Variants in ETV7 observed in about 807,000 individuals in gnomAD.
The protein encoded by ETV7 is transcription factor ETV7.
In ETV7, 43 loss-of-function variants were observed where a neutral mutation model predicts 39.1. The observed-to-expected ratio is 1.10, with a 90% CI of 0.86 to 1.42. ETV7 has a LOEUF of 1.42. ETV7 is among the 40% of genes most tolerant of loss of function. ETV7 has a pLI of 0.00. For missense variants in ETV7, 432 were observed against 442.3 expected, an observed-to-expected ratio of 0.98 and a Z score of 0.21; for synonymous variants, 196 against 176.6, an observed-to-expected ratio of 1.11 and a Z score of -0.87.
rs753564528 is a variant in ETV7, at chr6:36,385,669, C to G, written c.7G>C (p.Glu3Gln). 6.2e-6 allele frequency: 10 copies of G among 1,600,484 alleles called. No individual in the cohort carries two copies. The highest frequency in any genetic ancestry group is 8.5e-6 in the Non-Finnish European group (10 of 1,175,310). Residue 3 changes from glutamate to glutamine, a missense_variant and splice_region_variant, in exon 2 of 8, where the codon GAG becomes CAG. By Grantham distance (29) the Glu-to-Gln change is conservative (BLOSUM62 2). Transcript: ENST00000340181. ...ATAGGAGAAATAGCCAATTCTCCCT[C>G]CTAGAGAGAGAAAAACCAGGACAGT... MQ[E>Q]GELAISPISP...
intron 2 of ETV7, among the ~76,000 whole-genome samples, chr6:36,380,733 TG>T (rs1773610354): frequency 6.6e-6 from 1 of 152,016 alleles, no homozygotes; most frequent in Non-Finnish European, 1.5e-5. Context: ...TCAGTCACTG[TG>T]GTCTCTCCAG....
rs201731289 is a variant in ETV7, at chr6:36,366,942, G to A, written c.841C>T (p.Arg281Cys). Residue 281 changes from arginine to cysteine, a missense_variant, in exon 7 of 8, where the codon CGT (arginine) becomes TGT (cysteine). Arg to Cys is a radical substitution (Grantham distance 180). Coordinates refer to ENST00000340181, the MANE Select transcript of ETV7 (RefSeq NM_016135.4). ...AGCTTATAATAGTGGCGCAGGGCAC[G>A]AGACATCTTCTCGTAGGTCATGTTC... ...RVNMTYEKMS[R>C]ALRHYYKLNI... 8.2e-5 allele frequency: 132 copies of A among 1,613,912 alleles called. No homozygotes were observed. The highest frequency in any genetic ancestry group is 4.9e-4 in the Middle Eastern group (3 of 6,062).
intron 1 of ETV7, chr6:36,386,693 C>G (rs1405706198): frequency 1.3e-5 from 2 of 152,270 alleles, no homozygotes; most frequent in African/African-American, 4.8e-5. Context: ...AAAGCAAACT[C>G]CAGAAGCCTT....
At chr6:36,381,283 G>T (rs1442058434) in intron 2 of ETV7, among the ~76,000 whole-genome samples, 1 of 152,204 alleles carries the variant, frequency 6.6e-6, no homozygotes, top group Non-Finnish European at 1.5e-5. Flanking sequence ...GGGTCTGAGG[G>T]ATGCCGGTTC....
intron 2 of ETV7, among the ~76,000 whole-genome samples, chr6:36,384,390 GATCCTGC>G (rs367705727): frequency 8.4e-4 from 128 of 152,302 alleles, no homozygotes; most frequent in African/African-American, 2.9e-3. Flanking sequence ...CCACAGAAGT[GATCCTGC>G]ATTGTTTGGA....
chr6:36,364,897 C>A (rs1164700243), downstream of ETV7, among the ~76,000 whole-genome samples: 2 of 152,226 alleles, frequency 1.3e-5, no homozygotes, highest in Non-Finnish European at 2.9e-5. Context: ...TCCCATCGAT[C>A]CTTTTTCCAA....
chr6:36,360,002 C>T (rs1462019806), intron 7 of ETV7, among the ~76,000 whole-genome samples: 4 of 152,134 alleles, frequency 2.6e-5, no homozygotes, highest in African/African-American at 9.7e-5. Flanking sequence ...AAGTGATTCT[C>T]CTGCCTCAGC....
chr6:36,360,118 C>G (rs1772448035), intron 7 of ETV7, among the ~76,000 whole-genome samples: 1 of 152,180 alleles, frequency 6.6e-6, no homozygotes, highest in Non-Finnish European at 1.5e-5. Context: ...GTCTCGATTT[C>G]TTGACCTCGT....
chr6:36,373,511 A>G lies in ETV7; in HGVS notation c.375T>C (p.Phe125=). ...TQRRALVCGP[F]FGGIFRLKTP... ...TCTTCAGCCTGAAGATCCCTCCAAA[A>G]AAGGGCCCACACACCAGGGCTCGCC... Residue 125 remains phenylalanine, a synonymous_variant, in exon 4 of 8, where the codon TTT becomes TTC. Transcript: ENST00000340181. The G allele has an allele frequency of 6.4e-7, 1 of 1,570,684 alleles. No individual in the cohort carries two copies. The highest frequency in any genetic ancestry group is 1.4e-5 in the African/African-American group (1 of 73,364).
intron 6 of ETV7, 104 bp downstream of exon 6, chr6:36,368,825 G>T: frequency 7.0e-7 from 1 of 1,429,514 alleles, no homozygotes; most frequent in Non-Finnish European, 9.6e-7. Flanking sequence ...GCTGATGAAG[G>T]CCCCATCAGC....
chr6:36,372,246 C>T (rs1561907587), intron 4 of ETV7, among the ~76,000 whole-genome samples: 1 of 152,042 alleles, frequency 6.6e-6, no homozygotes, highest in Non-Finnish European at 1.5e-5. Flanking sequence ...TGCAAAGGCC[C>T]TGGGGCAGGA....
intron 5 of ETV7, among the ~76,000 whole-genome samples, chr6:36,370,342 C>T (rs75561193): frequency 0.057 from 8,728 of 151,910 alleles, 524 homozygotes; most frequent in East Asian, 0.16. Context: ...CAAGACCAGC[C>T]TGTGGCCAAC....
At position 36,366,942 on chromosome 6, in the gene ETV7, G is replaced by T; in HGVS notation, c.841C>A (p.Arg281Ser). ...RVNMTYEKMS[R>S]ALRHYYKLNI... is the part of the protein sequence containing the mutation. ...AGCTTATAATAGTGGCGCAGGGCAC[G>T]AGACATCTTCTCGTAGGTCATGTTC... Residue 281 changes from arginine to serine, a missense_variant, in exon 7 of 8, where the codon CGT becomes AGT. Transcript: ENST00000340181. 6.2e-7 allele frequency: 1 copy of T among 1,613,914 alleles called. No homozygotes were observed. Among genetic ancestry groups the T allele is most frequent in the Non-Finnish European group, 8.5e-7 (1 of 1,179,988 alleles).
chr6:36,373,621 C>G (rs373104167), intron 3 of ETV7, 43 bp from the exon 4 acceptor site: 39 of 1,503,716 alleles, frequency 2.6e-5, no homozygotes, highest in Non-Finnish European at 3.4e-5. Flanking sequence ...GAACAGGCCA[C>G]GTGGGGAGGG....
At position 36,387,640 on chromosome 6, in the gene ETV7, C is replaced by T. The variant is rs1021451502; in HGVS notation, c.-99G>A. On this transcript the variant is annotated 5_prime_UTR_variant, in exon 1 of 8. Coordinates refer to ENST00000340181, the MANE Select transcript of ETV7 (RefSeq NM_016135.4). Reference sequence around the variant, plus strand: ...GCCCGCGCCCCGCAGTCCTCCTCCGCCAAACCCCTAACCTGGCTCCGAGAA... The same window carrying T: ...GCCCGCGCCCCGCAGTCCTCCTCCGTCAAACCCCTAACCTGGCTCCGAGAA... 1.2e-5 allele frequency: 16 copies of T among 1,376,374 alleles called. No individual in the cohort carries two copies. Among genetic ancestry groups the T allele is most frequent in the Non-Finnish European group, 1.5e-5 (15 of 977,092 alleles). The allele number at this position is 1,376,374 out of a possible 1,614,324, so 85.3% of individuals were successfully genotyped here.
chr6:36,381,246 A>T (rs1449995143), intron 2 of ETV7, among the ~76,000 whole-genome samples: 2 of 152,190 alleles, frequency 1.3e-5, no homozygotes, highest in African/African-American at 4.8e-5. Context: ...GGCTAGAGGC[A>T]GTTTCTCAAA....
chr6:36,366,478 A>G lies in ETV7; in HGVS notation c.*167T>C. 7 of 1,488,502 alleles carry G rather than the reference A, an allele frequency of 4.7e-6. No individual in the cohort carries two copies. Among genetic ancestry groups the G allele is most frequent in the Non-Finnish European group, 5.3e-6 (6 of 1,126,010 alleles). 92.2% of individuals were successfully genotyped at this position (1,488,502 alleles called of 1,614,324 possible). ...CCCAAAAGATGACACTCCTGCCCCC[A>G]GTGTCCTGGATGGGAGGCCTCCCAG... is the stretch of plus-strand genomic sequence containing the variant. On this transcript the variant is annotated 3_prime_UTR_variant, in exon 8 of 8. Transcript: ENST00000340181.
rs1405854231 is a variant in ETV7, at chr6:36,371,680, C to G, written c.434-120G>C. The G allele has an allele frequency of 3.3e-6, 3 of 916,060 alleles. No homozygotes were observed. In the African/African-American group the frequency reaches 4.9e-5, roughly 15 times the overall value. 56.7% of individuals were successfully genotyped at this position (916,060 alleles called of 1,614,324 possible). ...GCACTCCTGATGCTCTTTCTCCAAC[C>G]AGCCCCTGGTTAGAAGGTCAGGGAG... is the stretch of plus-strand genomic sequence containing the variant. On this transcript the variant is annotated intron_variant, in intron 4 of 7. Transcript: ENST00000340181.
intron 6 of ETV7, 103 bp downstream of exon 6, chr6:36,368,826 C>A: frequency 1.4e-6 from 2 of 1,466,010 alleles, no homozygotes; most frequent in Non-Finnish European, 9.3e-7. Context: ...CTGATGAAGG[C>A]CCCATCAGCT....
Sources: allele counts gnomAD v4.1 joint callset (sites outside exome capture counted in the v4.1 genomes callset), GRCh38; gene constraint gnomAD v4.1.1; transcripts MANE v1.5; gene names NCBI Gene and HGNC (gene_info 2026-07-23, HGNC 2026-07-21).